Variants in SEZ6L observed in about 807,000 individuals in gnomAD.
SEZ6L encodes seizure 6-like protein.
In SEZ6L, 37 loss-of-function variants were observed where a neutral mutation model predicts 106.2. The ratio of observed to expected loss-of-function variants is 0.35; its 90% confidence interval spans 0.27 to 0.46. SEZ6L has a LOEUF of 0.46. SEZ6L is among the 20% of genes least tolerant of loss of function. The pLI is 1.00. For missense variants in SEZ6L, 1,172 were observed against 1,332.8 expected, an observed-to-expected ratio of 0.88 and a Z score of 1.88; for synonymous variants, 541 against 570.4, an observed-to-expected ratio of 0.95 and a Z score of 0.73.
chr22:26,257,581 A>T (rs1347936154), intron 1 of SEZ6L, among the ~76,000 whole-genome samples: 1 of 152,232 alleles, frequency 6.6e-6, no homozygotes, highest in East Asian at 1.9e-4. Context: ...CATCAGTAAA[A>T]TTATAAGGAC....
chr22:26,222,723 T>TA (rs200008664), intron 1 of SEZ6L, among the ~76,000 whole-genome samples: 10 of 152,324 alleles, frequency 6.6e-5, no homozygotes, highest in African/African-American at 2.2e-4. Flanking sequence ...TGGGTTTACA[T>TA]AAAAAAATTT....
intron 1 of SEZ6L, 34 bp from the exon 2 acceptor site, chr22:26,292,372 C>A: frequency 1.3e-6 from 2 of 1,552,438 alleles, no homozygotes; most frequent in East Asian, 2.2e-5. Flanking sequence ...CTAAATCTCC[C>A]CAAACTAACT....
At position 26,324,205 on chromosome 22, in the gene SEZ6L, C is replaced by T. The variant is rs142365356; in HGVS notation, c.2015+10303C>T. ...ACTGAGGCTCAAAGTGTTTCCTGCT[C>T]CCCGTTTCCTGGACATCTACTGCGA... is the stretch of plus-strand genomic sequence containing the variant. On this transcript the variant is annotated intron_variant, in intron 9 of 16. Transcript: ENST00000248933. Among the ~76,000 whole-genome samples the T allele has an allele frequency of 5.1e-3, 772 of 152,236 alleles. 2 individuals are homozygous for T. Among genetic ancestry groups the T allele is most frequent in the Non-Finnish European group, 8.4e-3 (573 of 68,020 alleles).
In SEZ6L at chr22:26,342,650, T is replaced by A. The variant is rs555342058; in HGVS notation, c.2212+2018T>A. ...AGCAGAGGTTGCAGTGAGCCAAGAT[T>A]GCGCCACTGACTCCAGCCTGGGTGA... On this transcript the variant is annotated intron_variant, in intron 10 of 16. Coordinates refer to ENST00000248933, the MANE Select transcript of SEZ6L (RefSeq NM_021115.5). Among the ~76,000 whole-genome samples the A allele has an allele frequency of 2.0e-5, 3 of 152,088 alleles. No homozygotes were observed. In the East Asian group the frequency reaches 5.8e-4, roughly 29 times the overall value.
intron 1 of SEZ6L, among the ~76,000 whole-genome samples, chr22:26,239,564 T>A (rs750363648): frequency 6.6e-6 from 1 of 152,106 alleles, no homozygotes; most frequent in Non-Finnish European, 1.5e-5. Context: ...GAAACCAAAG[T>A]TCTTTCCCTC....
At chr22:26,343,732 G>T (rs1478373278) in intron 10 of SEZ6L, among the ~76,000 whole-genome samples, 1 of 152,172 alleles carries the variant, frequency 6.6e-6, no homozygotes, top group Non-Finnish European at 1.5e-5. Context: ...GGATTGCAGA[G>T]AATGTTTTTC....
intron 11 of SEZ6L, among the ~76,000 whole-genome samples, chr22:26,348,705 G>GAAAGAAAGCAA (rs1481352357): frequency 6.2e-5 from 3 of 48,068 alleles, no homozygotes; most frequent in East Asian, 7.4e-4. Flanking sequence ...AAAGAAAGAA[G>GAAAGAAAGCAA]GCAAGGGAGG....
At chr22:26,305,475 G>A (rs1475064282) in intron 5 of SEZ6L, among the ~76,000 whole-genome samples, 2 of 152,158 alleles carry the variant, frequency 1.3e-5, no homozygotes, top group Non-Finnish European at 2.9e-5. Flanking sequence ...TTTTATTGCT[G>A]CTTTTTATCT....
intron 1 of SEZ6L, among the ~76,000 whole-genome samples, chr22:26,227,184 G>A (rs947620288): frequency 1.5e-4 from 23 of 152,144 alleles, no homozygotes; most frequent in African/African-American, 5.6e-4. Flanking sequence ...GAGAGAGCAC[G>A]GTCTTTGGAG....
chr22:26,266,437 G>T (rs1009510472), intron 1 of SEZ6L, among the ~76,000 whole-genome samples: 2 of 151,438 alleles, frequency 1.3e-5, no homozygotes, highest in Admixed American at 6.6e-5. Flanking sequence ...GCCGGGCGTG[G>T]TGGTGGGCGC....
intron 9 of SEZ6L, among the ~76,000 whole-genome samples, chr22:26,328,836 C>T (rs2082397827): frequency 6.6e-6 from 1 of 152,166 alleles, no homozygotes; most frequent in African/African-American, 2.4e-5. Context: ...GGGAGCCTCT[C>T]TGAAGTCAGG....
At chr22:26,325,014 C>G (rs1569463630) in intron 9 of SEZ6L, among the ~76,000 whole-genome samples, 1 of 152,098 alleles carries the variant, frequency 6.6e-6, no homozygotes, top group East Asian at 1.9e-4. Context: ...GGTTGGCTGT[C>G]GTGGTCTAGG....
At chr22:26,242,198 A>C (rs866794002) in intron 1 of SEZ6L, among the ~76,000 whole-genome samples, 2 of 152,244 alleles carry the variant, frequency 1.3e-5, no homozygotes, top group African/African-American at 4.8e-5. Context: ...GTTGCATGCC[A>C]TGCCCAGCAC....
chr22:26,322,830 A>G (rs538491387), intron 9 of SEZ6L, among the ~76,000 whole-genome samples: 3 of 152,298 alleles, frequency 2.0e-5, no homozygotes, highest in African/African-American at 7.2e-5. Context: ...TCCCAGCTCC[A>G]TCAGAAATCT....
At chr22:26,177,441 G>T (rs7290761) in intron 1 of SEZ6L, among the ~76,000 whole-genome samples, 3,360 of 152,256 alleles carry the variant, frequency 0.022, 120 homozygotes, top group African/African-American at 0.076. Context: ...CTTTCCAAAG[G>T]AAATATTGGA....
intron 7 of SEZ6L, 37 bp downstream of exon 7, chr22:26,310,873 G>T: frequency 1.9e-6 from 3 of 1,599,842 alleles, no homozygotes; most frequent in Non-Finnish European, 1.7e-6. Flanking sequence ...CTCTTGTGGG[G>T]CTGGGGGTAG....
At chr22:26,211,055 G>A (rs1321355265) in intron 1 of SEZ6L, among the ~76,000 whole-genome samples, 1 of 152,098 alleles carries the variant, frequency 6.6e-6, no homozygotes, top group Non-Finnish European at 1.5e-5. Flanking sequence ...GCCAGCCTTT[G>A]TGGGCATCTG....
chr22:26,244,093 G>A (rs971235572), intron 1 of SEZ6L, among the ~76,000 whole-genome samples: 2 of 151,896 alleles, frequency 1.3e-5, no homozygotes, highest in South Asian at 2.1e-4. Context: ...AACCTGAGAG[G>A]TTGAGGCTGC....
chr22:26,294,071 G>A (rs2081222466), intron 2 of SEZ6L, among the ~76,000 whole-genome samples: 1 of 152,186 alleles, frequency 6.6e-6, no homozygotes, highest in South Asian at 2.1e-4. Flanking sequence ...CTGTTGACTA[G>A]CTAAAATGGT....
Sources: gnomAD v4.1 joint callset for allele counts (sites outside exome capture counted in the v4.1 genomes callset) on GRCh38, gnomAD v4.1.1 for gene constraint, MANE v1.5 for transcripts, NCBI Gene and HGNC (gene_info 2026-07-23, HGNC 2026-07-21) for gene names.